GPR161: variants seen among roughly 807,000 people sequenced by gnomAD.
GPR161 encodes the protein G protein-coupled receptor 161, also known as G-protein coupled receptor RE2.
GPR161 carries 25 observed loss-of-function variants against 39.2 expected under a neutral mutation model. The observed-to-expected ratio is 0.64, with a 90% CI of 0.47 to 0.89. GPR161 has a LOEUF of 0.89. Among genes scored for constraint, GPR161 ranks in the 40% least tolerant of loss-of-function variants. GPR161 has a pLI of 0.00. For synonymous variants in GPR161, 286 were observed against 276.6 expected, an observed-to-expected ratio of 1.03 and a Z score of -0.34; for missense variants, 547 against 677.8, an observed-to-expected ratio of 0.81 and a Z score of 2.14.
chr1:168,099,106 T>G (rs1004585204), intron 2 of GPR161, among the ~76,000 whole-genome samples: 4 of 152,118 alleles, frequency 2.6e-5, no homozygotes, highest in Admixed American at 2.0e-4. Context: ...CCTTCCTCCT[T>G]GAGGACGAAA....
At chr1:168,097,915 C>T (rs16860061) in intron 2 of GPR161, among the ~76,000 whole-genome samples, 4,497 of 152,240 alleles carry the variant, frequency 0.03, 236 homozygotes, top group African/African-American at 0.1. Flanking sequence ...GAAAGCCAGG[C>T]GATCTGACTC....
At chr1:168,107,670 A>C (rs1465501047) in intron 1 of GPR161, among the ~76,000 whole-genome samples, 1 of 152,230 alleles carries the variant, frequency 6.6e-6, no homozygotes, top group Non-Finnish European at 1.5e-5. Context: ...CAAAAAATGG[A>C]CAAAGACAAA....
chr1:168,090,557 A>G lies in GPR161; in HGVS notation c.1204+7T>C. 2.6e-6 allele frequency: 4 copies of G among 1,538,834 alleles called. No homozygotes were observed. The highest frequency in any genetic ancestry group is 2.7e-6 in the Non-Finnish European group (3 of 1,111,694). On this transcript the variant is annotated splice_region_variant and intron_variant, in intron 4 of 5. Coordinates refer to ENST00000682931, the MANE Select transcript of GPR161 (RefSeq NM_001375883.1). ...CAGGTGAGAGGCTTATAAAGCACGC[A>G]GGTTACCTGAGTCCTGGGAGCAGCT... is the stretch of plus-strand genomic sequence containing the variant.
intron 2 of GPR161, among the ~76,000 whole-genome samples, chr1:168,100,760 G>C (rs1177405335): frequency 1.3e-5 from 2 of 152,202 alleles, no homozygotes; most frequent in African/African-American, 4.8e-5. Context: ...CCATCCCATT[G>C]TTCTAGCTAC....
intron 1 of GPR161, among the ~76,000 whole-genome samples, chr1:168,128,768 A>G (rs1270715080): frequency 6.6e-6 from 1 of 152,148 alleles, no homozygotes; most frequent in Non-Finnish European, 1.5e-5. Flanking sequence ...TCCTAAAACT[A>G]TATTATTTTT....
chr1:168,126,656 G>A (rs901188228), intron 1 of GPR161, among the ~76,000 whole-genome samples: 1 of 152,070 alleles, frequency 6.6e-6, no homozygotes, highest in East Asian at 1.9e-4. Flanking sequence ...GTTTTGCTAT[G>A]TTACCCAGGC....
chr1:168,087,780 C>T lies in GPR161; in HGVS notation c.1205-76G>A, dbSNP rs573884021. ...TGGCCTCTTCTCCCCTCTCAACACC[C>T]CTTCCACCCCTCTTCTCCCGTTCAT... On this transcript the variant is annotated intron_variant, in intron 4 of 5. Coordinates refer to ENST00000682931, the MANE Select transcript of GPR161 (RefSeq NM_001375883.1). 2.5e-5 allele frequency: 35 copies of T among 1,408,040 alleles called. No homozygotes were observed. The African/African-American group carries it at 4.6e-4, about 19-fold the overall frequency. The allele number at this position is 1,408,040 out of a possible 1,614,324, so 87.2% of individuals were successfully genotyped here.
Position 168,136,753 on chromosome 1 carries a change from C to T in GPR161, c.-59G>A, listed in dbSNP as rs1699411951. ...CGGGTGCTCACCGAGGAGCGGCCGC[C>T]GCGGCAGCTCAGGCCCCGGCCCAGC... On this transcript the variant is annotated 5_prime_UTR_variant, in exon 1 of 6. Transcript: ENST00000682931. 1.0e-5 allele frequency: 10 copies of T among 995,370 alleles called. No homozygotes were observed. Among genetic ancestry groups the T allele is most frequent in the Non-Finnish European group, 1.2e-5 (10 of 836,852 alleles). 61.7% of individuals were successfully genotyped at this position (995,370 alleles called of 1,614,324 possible). A position where few individuals can be genotyped will look rare whatever the true frequency, so the allele number is the denominator to read the frequency against.
chr1:168,101,300 AAC>A (rs1696080844), intron 2 of GPR161, among the ~76,000 whole-genome samples: 1 of 152,110 alleles, frequency 6.6e-6, no homozygotes, highest in South Asian at 2.1e-4. Flanking sequence ...CTCAGCTGGG[AAC>A]CCCTGGGTAT....
intron 1 of GPR161, among the ~76,000 whole-genome samples, chr1:168,131,224 A>AC: frequency 7.0e-6 from 1 of 142,992 alleles, no homozygotes; most frequent in South Asian, 2.3e-4. Context: ...CCCCACCCTT[A>AC]CCCCCCACAC....
At position 168,096,702 on chromosome 1, in the gene GPR161, G is replaced by C. The variant is rs370552508; in HGVS notation, c.905C>G (p.Ser302Cys). 6.2e-7 allele frequency: 1 copy of C among 1,614,102 alleles called. No individual in the cohort carries two copies. Among genetic ancestry groups the C allele is most frequent in the South Asian group, 1.1e-5 (1 of 91,072 alleles). Residue 302 changes from serine (S) to cysteine (C), a missense_variant, in exon 3 of 6, where the codon TCC becomes TGC. Physicochemically the swap from Ser to Cys is moderately radical, Grantham distance 112. Transcript: ENST00000682931. ...SEALWGKSSV[S>C]PSLETWATWL... ...TGTGGCCCAAGTCTCCAGGCTCGGG[G>C]AGACGGAGCTTTTCCCCCAGAGGGC...
rs141236301 is a variant in GPR161, at chr1:168,121,217, A to G, written c.-45+15522T>C. 3.9e-5 allele frequency among the ~76,000 whole-genome samples: 6 copies of G among 152,318 alleles called. No individual in the cohort carries two copies. The East Asian group carries it at 1.2e-3, about 29-fold the overall frequency. ...CTCTCAAGGGACTAATACAGCAGTGACTTCCAAGGCTGAACCCACTAAATA... is the reference window on the plus strand; with the variant it reads ...CTCTCAAGGGACTAATACAGCAGTGGCTTCCAAGGCTGAACCCACTAAATA... On this transcript the variant is annotated intron_variant, in intron 1 of 5. Coordinates refer to ENST00000682931, the MANE Select transcript of GPR161 (RefSeq NM_001375883.1).
intron 2 of GPR161, among the ~76,000 whole-genome samples, chr1:168,100,910 C>T (rs1036916549): frequency 2.6e-5 from 4 of 152,198 alleles, no homozygotes; most frequent in African/African-American, 7.2e-5. Flanking sequence ...TTACAGACTT[C>T]TAAGTAATGG....
intron 1 of GPR161, among the ~76,000 whole-genome samples, chr1:168,109,239 CAT>C (rs1696908339): frequency 6.6e-6 from 1 of 152,138 alleles, no homozygotes; most frequent in South Asian, 2.1e-4. Context: ...CTGATGTGAA[CAT>C]GTTTCTTATT....
At chr1:168,102,507 C>T (rs1214977684) in intron 2 of GPR161, among the ~76,000 whole-genome samples, 2 of 152,170 alleles carry the variant, frequency 1.3e-5, no homozygotes, top group Admixed American at 6.5e-5. Flanking sequence ...AGTAGACATC[C>T]AACCAATATT....
intron 2 of GPR161, among the ~76,000 whole-genome samples, chr1:168,102,704 G>A (rs1696214347): frequency 6.6e-6 from 1 of 152,080 alleles, no homozygotes; most frequent in African/African-American, 2.4e-5. Flanking sequence ...CATGTTTACT[G>A]AGCATTCATA....
chr1:168,123,224 T>C (rs569381594), intron 1 of GPR161, among the ~76,000 whole-genome samples: 14 of 152,110 alleles, frequency 9.2e-5, no homozygotes, highest in South Asian at 2.1e-4. Flanking sequence ...GGCAGGAAAA[T>C]TGCTTGATCT....
chr1:168,095,147 A>G (rs1695407574), intron 3 of GPR161, among the ~76,000 whole-genome samples: 1 of 152,242 alleles, frequency 6.6e-6, no homozygotes, highest in Non-Finnish European at 1.5e-5. Context: ...GCATCAGATG[A>G]ACACAAATTA....
Position 168,087,644 on chromosome 1 carries a change from G to C in GPR161, c.1265C>G (p.Thr422Ser). 4 of 1,614,054 alleles carry C rather than the reference G, an allele frequency of 2.5e-6. No homozygotes were observed. In the Middle Eastern group the frequency reaches 6.6e-4, roughly 266 times the overall value. Reference sequence around the variant, plus strand: ...CGAGCTCCTTCTCTTGGGTGGGCAAGTGCAGTGAGAGGGAGGGTTGTCATC... The same window carrying C: ...CGAGCTCCTTCTCTTGGGTGGGCAACTGCAGTGAGAGGGAGGGTTGTCATC... ...TSDDNPPSHC[T>S]CPPKRRSSVT... Residue 422 changes from threonine to serine, a missense_variant, in exon 5 of 6, where the codon ACT (threonine) becomes AGT (serine). Coordinates refer to ENST00000682931, the MANE Select transcript of GPR161 (RefSeq NM_001375883.1).
Sources: gnomAD v4.1 joint callset for allele counts (sites outside exome capture counted in the v4.1 genomes callset) on GRCh38, gnomAD v4.1.1 for gene constraint, MANE v1.5 for transcripts, NCBI Gene and HGNC (gene_info 2026-07-23, HGNC 2026-07-21) for gene names.